Variants in PDCD1LG2 observed in about 807,000 individuals in gnomAD.
PDCD1LG2 encodes the protein programmed cell death 1 ligand 2, also known as B7 dendritic cell molecule.
PDCD1LG2 carries 32 observed loss-of-function variants against 28.2 expected under a neutral mutation model. That is an observed-to-expected ratio of 1.13 (90% confidence interval 0.86 to 1.52). The LOEUF (loss-of-function observed/expected upper bound fraction) is 1.52, where lower values mean the gene tolerates loss of function less well. Ranked by LOEUF, PDCD1LG2 falls within the 40% of genes most tolerant of loss-of-function variation. PDCD1LG2 has a pLI of 0.00. For synonymous variants in PDCD1LG2, 116 were observed against 120.2 expected, an observed-to-expected ratio of 0.97 and a Z score of 0.23; for missense variants, 385 against 323.8, an observed-to-expected ratio of 1.19 and a Z score of -1.45.
rs151155831 is a variant in PDCD1LG2, at chr9:5,514,454, G to A, written c.-15+3651G>A. 3.0e-3 allele frequency among the ~76,000 whole-genome samples: 455 copies of A among 152,142 alleles called. 3 individuals carry two copies. Among genetic ancestry groups the A allele is most frequent in the African/African-American group, 0.011 (442 of 41,538 alleles). On this transcript the variant is annotated intron_variant, in intron 1 of 6. Transcript: ENST00000397747. Reference sequence around the variant, plus strand: ...CATTTCTGATCCTCTTGCAAATTTTGCTTGAAAAAAATTTCCTCATTTTCT... The same window carrying A: ...CATTTCTGATCCTCTTGCAAATTTTACTTGAAAAAAATTTCCTCATTTTCT...
chr9:5,511,566 G>C (rs755871746), intron 1 of PDCD1LG2, among the ~76,000 whole-genome samples: 4 of 152,190 alleles, frequency 2.6e-5, no homozygotes, highest in Non-Finnish European at 4.4e-5. Flanking sequence ...GGCAGGGAAT[G>C]AGAGACCTAA....
At chr9:5,525,739 G>C (rs139826585) in intron 2 of PDCD1LG2, among the ~76,000 whole-genome samples, 1 of 152,052 alleles carries the variant, frequency 6.6e-6, no homozygotes, top group East Asian at 1.9e-4. Context: ...CTTATATATA[G>C]AAGATAAAGC....
At chr9:5,557,499 T>A (rs942791739) in intron 4 of PDCD1LG2, 119 bp from the exon 5 acceptor site, 1 of 1,158,908 alleles carries the variant, frequency 8.6e-7, no homozygotes, top group Non-Finnish European at 1.3e-6. Context: ...TAGGGCCTGG[T>A]GTGGAGTAAA....
chr9:5,552,754 T>C (rs1357882622), intron 4 of PDCD1LG2, among the ~76,000 whole-genome samples: 1 of 152,200 alleles, frequency 6.6e-6, no homozygotes, highest in Non-Finnish European at 1.5e-5. Flanking sequence ...GGTATTTTCT[T>C]CTGGAAAAAA....
intron 6 of PDCD1LG2, among the ~76,000 whole-genome samples, chr9:5,568,023 G>C (rs980773111): frequency 6.6e-6 from 1 of 151,940 alleles, no homozygotes; most frequent in African/African-American, 2.4e-5. Context: ...TTCCACATGG[G>C]TGTGTTTCCT....
intron 1 of PDCD1LG2, among the ~76,000 whole-genome samples, chr9:5,520,313 A>T (rs2129714056): frequency 6.6e-6 from 1 of 152,338 alleles, no homozygotes; most frequent in South Asian, 2.1e-4. Flanking sequence ...GATGTTTTGC[A>T]AGGGTGCCAA....
intron 3 of PDCD1LG2, among the ~76,000 whole-genome samples, chr9:5,549,131 T>C (rs1816271102): frequency 1.3e-5 from 2 of 152,220 alleles, no homozygotes; most frequent in South Asian, 4.1e-4. Flanking sequence ...AACAATGCCA[T>C]CTTTATTGCA....
chr9:5,515,150 CAAGAGACCCAGATAT>C (rs1820132908), intron 1 of PDCD1LG2, among the ~76,000 whole-genome samples: 1 of 152,190 alleles, frequency 6.6e-6, no homozygotes, highest in Non-Finnish European at 1.5e-5. Context: ...GTGGTTTGGT[CAAGAGACCCAGATAT>C]TAGAGAACGT....
chr9:5,516,116 A>G lies in PDCD1LG2; in HGVS notation c.-15+5313A>G, dbSNP rs574102358. Among the ~76,000 whole-genome samples, 8 of 151,628 alleles carry G rather than the reference A, an allele frequency of 5.3e-5. No homozygotes were observed. The South Asian group carries it at 6.3e-4, about 12-fold the overall frequency. On this transcript the variant is annotated intron_variant, in intron 1 of 6. Transcript: ENST00000397747. ...ACCAGGGCTGGAGTGCAGTGGCGCA[A>G]TCTCGGCTCACTGCAACCTCTGCCT...
rs766517558 is a variant in PDCD1LG2, at chr9:5,522,524, C to G, written c.-14-9C>G. ...ACAAGGCCCTGAGACTTTCAATTGTCTATTTCAGATCAAATACAGAACATG... is the reference window on the plus strand; with the variant it reads ...ACAAGGCCCTGAGACTTTCAATTGTGTATTTCAGATCAAATACAGAACATG... On this transcript the variant is annotated splice_polypyrimidine_tract_variant and intron_variant, in intron 1 of 6. Coordinates refer to ENST00000397747, the MANE Select transcript of PDCD1LG2 (RefSeq NM_025239.4). The G allele has an allele frequency of 5.6e-6, 9 of 1,610,400 alleles. No individual in the cohort carries two copies. In the Admixed American group the frequency reaches 1.3e-4, roughly 24 times the overall value.
At chr9:5,547,865 G>A (rs1338442159) in intron 3 of PDCD1LG2, among the ~76,000 whole-genome samples, 2 of 151,136 alleles carry the variant, frequency 1.3e-5, no homozygotes, top group African/African-American at 4.9e-5. Context: ...TTGAACCTGG[G>A]AGGTGGAGGT....
chr9:5,565,157 A>G (rs1358982674), intron 6 of PDCD1LG2, among the ~76,000 whole-genome samples: 1 of 152,116 alleles, frequency 6.6e-6, no homozygotes, highest in Non-Finnish European at 1.5e-5. Flanking sequence ...CCACACCCAT[A>G]CACTACACTC....
rs1051961481 is a variant in PDCD1LG2, at chr9:5,512,736, T to G, written c.-15+1933T>G. On this transcript the variant is annotated intron_variant, in intron 1 of 6. Coordinates refer to ENST00000397747, the MANE Select transcript of PDCD1LG2 (RefSeq NM_025239.4). Reference sequence around the variant, plus strand: ...TACAATTTTTTGGAATGCTTATGCCTTGCCCAGACTAAAACCAAACTTACT... The same window carrying G: ...TACAATTTTTTGGAATGCTTATGCCGTGCCCAGACTAAAACCAAACTTACT... Among the ~76,000 whole-genome samples the G allele has an allele frequency of 2.0e-5, 3 of 152,200 alleles. No homozygotes were observed. The East Asian group carries it at 5.8e-4, about 29-fold the overall frequency.
At chr9:5,535,926 G>T (rs940751738) in intron 3 of PDCD1LG2, among the ~76,000 whole-genome samples, 1 of 152,204 alleles carries the variant, frequency 6.6e-6, no homozygotes, top group Non-Finnish European at 1.5e-5. Flanking sequence ...GATTTTGCTT[G>T]TTCATTGGCT....
Position 5,563,214 on chromosome 9 carries a change from G to C in PDCD1LG2, c.816+3G>C. 6.2e-7 allele frequency: 1 copy of C among 1,609,162 alleles called. No individual in the cohort carries two copies. The highest frequency in any genetic ancestry group is 1.7e-4 in the Middle Eastern group (1 of 6,048). On this transcript the variant is annotated splice_donor_region_variant and intron_variant, in intron 6 of 6. Transcript: ENST00000397747. ...CAAAGAGGGAAGTGAACAGTGCTGT[G>C]AGTAAGCATGATTTTTACTTTTCTT...
At chr9:5,557,367 G>A (rs1162059169) in intron 4 of PDCD1LG2, among the ~76,000 whole-genome samples, 3 of 152,194 alleles carry the variant, frequency 2.0e-5, no homozygotes, top group Non-Finnish European at 4.4e-5. Context: ...GTAACTTAGG[G>A]AAAGCTTCCT....
At chr9:5,546,705 T>A (rs1254590288) in intron 3 of PDCD1LG2, among the ~76,000 whole-genome samples, 1 of 152,232 alleles carries the variant, frequency 6.6e-6, no homozygotes, top group Non-Finnish European at 1.5e-5. Context: ...GTGATTCCAA[T>A]TAAGAATGCA....
At chr9:5,522,696 C>A in intron 2 of PDCD1LG2, 95 bp downstream of exon 2, 2 of 1,101,932 alleles carry the variant, frequency 1.8e-6, no homozygotes, top group South Asian at 1.4e-5. Flanking sequence ...AGGCTGAGGG[C>A]TTTCTTTGAG....
At chr9:5,513,051 C>T (rs905732190) in intron 1 of PDCD1LG2, among the ~76,000 whole-genome samples, 43 of 152,230 alleles carry the variant, frequency 2.8e-4, no homozygotes, top group Non-Finnish European at 1.9e-4. Flanking sequence ...CTACCAATTC[C>T]ACCCACCCTC....
Sources: gnomAD v4.1 joint callset for allele counts (sites outside exome capture counted in the v4.1 genomes callset) on GRCh38, gnomAD v4.1.1 for gene constraint, MANE v1.5 for transcripts, NCBI Gene and HGNC (gene_info 2026-07-23, HGNC 2026-07-21) for gene names.